Variants in AFF2 observed in about 807,000 individuals in gnomAD.
AFF2 encodes the protein AF4/FMR2 family member 2.
A neutral mutation model predicts 76.9 loss-of-function variants in AFF2; 14 were observed. That is an observed-to-expected ratio of 0.18 (90% CI 0.12 to 0.28). AFF2 has a LOEUF of 0.28. Ranked by LOEUF, AFF2 falls within the 10% of genes least tolerant of loss-of-function variation. The probability of loss-of-function intolerance (pLI) is 1.00; values close to 1 mark genes in which losing one functional copy is unlikely to be tolerated. For missense variants in AFF2, 868 were observed against 1,001.1 expected (o/e 0.87, Z 1.79); for synonymous variants, 398 against 366.7 (o/e 1.09, Z -0.98).
intron 9 of AFF2, among the ~76,000 whole-genome samples, chrX:148,928,104 A>G (rs1035143554): frequency 8.9e-6 from 1 of 111,851 alleles, no homozygotes; most frequent in Non-Finnish European, 1.9e-5. Flanking sequence ...AGAGTGTGAA[A>G]TGTTCCCCAG....
chrX:148,763,576 C>T (rs1309368275), intron 3 of AFF2, among the ~76,000 whole-genome samples: 1 of 109,831 alleles, frequency 9.1e-6, no homozygotes, highest in East Asian at 2.8e-4. Context: ...AGTGTTCTCA[C>T]CACAAATAAC....
intron 4 of AFF2, among the ~76,000 whole-genome samples, chrX:148,829,816 T>C (rs1389687638): frequency 3.6e-5 from 4 of 111,802 alleles, no homozygotes; most frequent in East Asian, 2.8e-4. Context: ...GGCTCCATGA[T>C]TGGAAACCTC....
At chrX:148,959,775 G>A (rs2072086616) in intron 12 of AFF2, among the ~76,000 whole-genome samples, 1 of 112,435 alleles carries the variant, frequency 8.9e-6, no homozygotes, top group African/African-American at 3.2e-5. Flanking sequence ...CCAGGCATGT[G>A]AGGAAGCATG....
chrX:148,578,576 G>T (rs191491589), intron 1 of AFF2, among the ~76,000 whole-genome samples: 11 of 111,900 alleles, frequency 9.8e-5, no homozygotes, highest in Non-Finnish European at 1.5e-4. Context: ...TTTGTACATT[G>T]TTCATCACAT....
At chrX:148,730,136 CAATA>C (rs782190379) in intron 3 of AFF2, among the ~76,000 whole-genome samples, 7 of 112,201 alleles carry the variant, frequency 6.2e-5, no homozygotes, top group Non-Finnish European at 1.3e-4. Flanking sequence ...TTTGATTAAG[CAATA>C]ATCCCTGATG....
chrX:148,618,048 G>A (rs1268024166), intron 1 of AFF2, among the ~76,000 whole-genome samples: 2 of 111,154 alleles, frequency 1.8e-5, no homozygotes, highest in East Asian at 5.7e-4. Context: ...ATTTATGTGT[G>A]TATATATTTA....
chrX:148,888,469 C>T lies in AFF2; in HGVS notation c.1359+2484C>T, dbSNP rs1206738618. Among the ~76,000 whole-genome samples the T allele has an allele frequency of 5.4e-5, 6 of 111,848 alleles. No homozygotes were observed. The Admixed American group carries it at 5.7e-4, about 11-fold the overall frequency. The stretch of plus-strand genomic sequence containing the variant: ...CTTTTGGCTACTGTGAATAGTGCTA[C>T]GGTGAAGATTTGTATATAAGTTTCA... On this transcript the variant is annotated intron_variant, in intron 8 of 20. Transcript: ENST00000370460.
chrX:148,978,270 TA>T, intron 17 of AFF2, 91 bp from the exon 18 acceptor site: 1 of 637,874 alleles, frequency 1.6e-6, no homozygotes, highest in East Asian at 3.2e-5. Flanking sequence ...CATAGGAAAG[TA>T]ACTGCAAATT....
chrX:148,979,832 G>A (rs970672233), intron 18 of AFF2, among the ~76,000 whole-genome samples: 3 of 112,335 alleles, frequency 2.7e-5, no homozygotes, highest in Admixed American at 1.9e-4. Context: ...GAAGTATTCC[G>A]TTCTCACTGG....
At chrX:148,988,361 G>A (rs2072497492) in intron 20 of AFF2, among the ~76,000 whole-genome samples, 1 of 112,124 alleles carries the variant, frequency 8.9e-6, no homozygotes, top group Admixed American at 9.4e-5. Flanking sequence ...GTATCGCTGA[G>A]CATGTGGGGA....
intron 9 of AFF2, among the ~76,000 whole-genome samples, chrX:148,936,839 G>A (rs781920783): frequency 3.3e-4 from 37 of 112,510 alleles, no homozygotes; most frequent in Non-Finnish European, 5.3e-4. Flanking sequence ...TATCTTCTAG[G>A]TGTGATCTTT....
intron 3 of AFF2, among the ~76,000 whole-genome samples, chrX:148,803,765 C>T (rs1261745467): frequency 3.6e-5 from 4 of 111,128 alleles, no homozygotes; most frequent in African/African-American, 1.3e-4. Context: ...TGCATTCCAC[C>T]GTTGCCCATA....
intron 3 of AFF2, among the ~76,000 whole-genome samples, chrX:148,780,033 T>C (rs1458777556): frequency 1.8e-5 from 2 of 112,350 alleles, no homozygotes; most frequent in African/African-American, 6.5e-5. Flanking sequence ...TATGAAATTC[T>C]GGGTTGAAAA....
Position 148,978,014 on chromosome X carries a change from A to G in AFF2, c.3476+10A>G, listed in dbSNP as rs1391633702. On this transcript the variant is annotated intron_variant, in intron 17 of 20. Transcript: ENST00000370460. ...AGCTAGCAGTACTATGGTGAGTCCC[A>G]TGGAGGCCACAAGGAAATTGCTGAA... 4 of 1,170,859 alleles carry G rather than the reference A, an allele frequency of 3.4e-6. No individual in the cohort carries two copies. The highest frequency in any genetic ancestry group is 2.2e-5 in the Admixed American group (1 of 45,470).
intron 9 of AFF2, among the ~76,000 whole-genome samples, chrX:148,951,930 C>T (rs782638372): frequency 6.0e-4 from 67 of 111,313 alleles, no homozygotes; most frequent in Non-Finnish European, 1.2e-3. Flanking sequence ...ACTTGTAGTT[C>T]GCATTTACTA....
At chrX:148,580,869 C>A (rs2053348620) in intron 1 of AFF2, among the ~76,000 whole-genome samples, 1 of 107,050 alleles carries the variant, frequency 9.3e-6, no homozygotes, top group Non-Finnish European at 1.9e-5. Context: ...TCTTAAAAAA[C>A]TTTTTATTTT....
rs781928208 is a variant in AFF2, at chrX:148,609,607, A to C, written c.48-42392A>C. Among the ~76,000 whole-genome samples, 3 of 111,843 alleles carry C rather than the reference A, an allele frequency of 2.7e-5. No individual in the cohort carries two copies. The South Asian group carries it at 1.1e-3, about 41-fold the overall frequency. ...CAGCATTCCTTTTCTGTACTTTGTAATTCCTTGTAGAAGCAGAAATGCCAA... is the reference window on the plus strand; with the variant it reads ...CAGCATTCCTTTTCTGTACTTTGTACTTCCTTGTAGAAGCAGAAATGCCAA... On this transcript the variant is annotated intron_variant, in intron 1 of 20. Coordinates refer to ENST00000370460, the MANE Select transcript of AFF2 (RefSeq NM_002025.4).
chrX:148,503,617 T>A (rs1274054699), intron 1 of AFF2, among the ~76,000 whole-genome samples: 5 of 112,426 alleles, frequency 4.4e-5, no homozygotes, highest in Non-Finnish European at 9.4e-5. Context: ...TTCCTAGACA[T>A]AATGAAGAAA....
intron 5 of AFF2, among the ~76,000 whole-genome samples, chrX:148,838,426 A>G (rs1249210980): frequency 1.8e-5 from 2 of 112,006 alleles, no homozygotes; most frequent in East Asian, 2.8e-4. Context: ...TCTACATGCT[A>G]TCACATAGAT....
Sources: allele counts gnomAD v4.1 joint callset (sites outside exome capture counted in the v4.1 genomes callset), GRCh38; gene constraint gnomAD v4.1.1; transcripts MANE v1.5; gene names NCBI Gene and HGNC (gene_info 2026-07-23, HGNC 2026-07-21).